Variants in SCMH1 observed in about 807,000 individuals in gnomAD.
The protein encoded by SCMH1 is polycomb protein SCMH1.
In SCMH1, 37 loss-of-function variants were observed where a neutral mutation model predicts 70.8. The ratio of observed to expected loss-of-function variants is 0.52; its 90% CI spans 0.40 to 0.69. SCMH1 has a LOEUF of 0.69. Among genes scored for constraint, SCMH1 ranks in the 30% least tolerant of loss-of-function variants. SCMH1 has a pLI of 0.00. For missense variants in SCMH1, 607 were observed against 827.3 expected (o/e 0.73, Z 3.27); for synonymous variants, 292 against 307.4 (o/e 0.95, Z 0.52).
intron 1 of SCMH1, among the ~76,000 whole-genome samples, chr1:41,194,436 C>A (rs11577984): frequency 0.078 from 11,884 of 152,236 alleles, 600 homozygotes; most frequent in South Asian, 0.12. Context: ...GAAATATGAA[C>A]TACTGTAGAT....
At chr1:41,143,084 T>C in exon 6 of SCMH1, 1 of 1,614,108 alleles carries the variant, frequency 6.2e-7, no homozygotes, top group Non-Finnish European at 8.5e-7. Context: ...CATACTGATC[T>C]TGAACTCGTT....
intron 4 of SCMH1, among the ~76,000 whole-genome samples, chr1:41,158,729 G>A (rs1273067358): frequency 6.6e-6 from 1 of 152,138 alleles, no homozygotes; most frequent in African/African-American, 2.4e-5. Flanking sequence ...GTAAAGAATG[G>A]GCAGGAGGGT....
chr1:41,228,999 C>T (rs1326332413), intron 1 of SCMH1, among the ~76,000 whole-genome samples: 3 of 152,022 alleles, frequency 2.0e-5, no homozygotes, highest in Non-Finnish European at 4.4e-5. Context: ...AGTTCGAAAC[C>T]AGCCTGACCA....
chr1:41,213,467 C>T (rs1388050893), intron 1 of SCMH1, among the ~76,000 whole-genome samples: 1 of 152,112 alleles, frequency 6.6e-6, no homozygotes, highest in African/African-American at 2.4e-5. Flanking sequence ...TCCTCTGTAG[C>T]AGGACATAAA....
chr1:41,210,168 T>C (rs1245138230), intron 1 of SCMH1, among the ~76,000 whole-genome samples: 1 of 152,180 alleles, frequency 6.6e-6, no homozygotes, highest in Non-Finnish European at 1.5e-5. Flanking sequence ...GAAGGACCTC[T>C]TCAAGGAGAA....
intron 7 of SCMH1, among the ~76,000 whole-genome samples, chr1:41,115,194 A>G (rs1670169615): frequency 6.6e-6 from 1 of 152,190 alleles, no homozygotes; most frequent in African/African-American, 2.4e-5. Flanking sequence ...TTCGATACTG[A>G]TTATTAGCTT....
At chr1:41,132,310 AT>A (rs1265375435) in intron 6 of SCMH1, among the ~76,000 whole-genome samples, 1 of 152,030 alleles carries the variant, frequency 6.6e-6, no homozygotes, top group African/African-American at 2.4e-5. Flanking sequence ...GATGATGAGC[AT>A]TTTTTCATGT....
chr1:41,032,066 T>C (rs1219942443), intron 13 of SCMH1, among the ~76,000 whole-genome samples: 2 of 152,182 alleles, frequency 1.3e-5, no homozygotes, highest in Non-Finnish European at 2.9e-5. Context: ...AAGATGGCTG[T>C]CTATGAACCA....
intron 6 of SCMH1, 24 bp from the exon 7 acceptor site, chr1:41,117,034 A>G: frequency 1.3e-6 from 2 of 1,585,752 alleles, no homozygotes; most frequent in Admixed American, 3.5e-5. Flanking sequence ...AATGGGCAAC[A>G]GATTAAAAGT....
At chr1:41,149,737 C>T (rs912151352) in intron 5 of SCMH1, among the ~76,000 whole-genome samples, 1 of 152,216 alleles carries the variant, frequency 6.6e-6, no homozygotes, top group Non-Finnish European at 1.5e-5. Flanking sequence ...ATATGAGCAA[C>T]ACCTTCCTGA....
intron 6 of SCMH1, among the ~76,000 whole-genome samples, chr1:41,136,839 A>G (rs1643427513): frequency 7.5e-6 from 1 of 132,982 alleles, no homozygotes; most frequent in Non-Finnish European, 1.5e-5. Flanking sequence ...GTGCAGTGGT[A>G]TGACCATAAC....
At chr1:41,152,694 A>G in intron 4 of SCMH1, 1 of 1,614,094 alleles carries the variant, frequency 6.2e-7, no homozygotes, top group South Asian at 1.1e-5. Flanking sequence ...TTTCCTCTGT[A>G]GTGGAGCAGC....
At chr1:41,208,238 G>T (rs1309290495) in intron 1 of SCMH1, among the ~76,000 whole-genome samples, 4 of 108,236 alleles carry the variant, frequency 3.7e-5, no homozygotes, top group Middle Eastern at 4.0e-3. Context: ...AGATCACATG[G>T]ACACAGGAAG....
chr1:41,185,275 G>C (rs1237814412), intron 2 of SCMH1, among the ~76,000 whole-genome samples: 1 of 152,164 alleles, frequency 6.6e-6, no homozygotes, highest in African/African-American at 2.4e-5. Context: ...AGAAGACAGA[G>C]AGTTACATAA....
intron 8 of SCMH1, among the ~76,000 whole-genome samples, chr1:41,094,184 T>C (rs1181492100): frequency 6.6e-6 from 1 of 152,234 alleles, no homozygotes; most frequent in East Asian, 1.9e-4. Context: ...TAATAAATTT[T>C]ACTGCTTCAT....
intron 10 of SCMH1, among the ~76,000 whole-genome samples, chr1:41,062,522 A>G (rs975226986): frequency 1.3e-5 from 2 of 151,864 alleles, no homozygotes; most frequent in Non-Finnish European, 2.9e-5. Context: ...TGGGCAGATC[A>G]TGAGGTCAGG....
chr1:41,210,086 C>A (rs1006027866), intron 1 of SCMH1, among the ~76,000 whole-genome samples: 19 of 152,268 alleles, frequency 1.2e-4, no homozygotes, highest in African/African-American at 4.6e-4. Context: ...AGACCCAAAT[C>A]ATGAGTGAAC....
rs572243320 is a variant in SCMH1 at position 41,211,639 on chromosome 1, C to A, written c.-117-25389G>T. Reference sequence around the variant, plus strand: ...CTCAGGGATCTAGAAGTAGAAATACCATTTGACCCAGCGATCCCATTACTG... The same window carrying A: ...CTCAGGGATCTAGAAGTAGAAATACAATTTGACCCAGCGATCCCATTACTG... On this transcript the variant is annotated intron_variant, in intron 1 of 14. Transcript: ENST00000337495. 3.9e-4 allele frequency among the ~76,000 whole-genome samples: 59 copies of A among 152,242 alleles called. No homozygotes were observed. In the South Asian group the frequency reaches 4.4e-3, roughly 11 times the overall value.
chr1:41,038,429 A>T (rs774375478), intron 12 of SCMH1, among the ~76,000 whole-genome samples: 1 of 152,158 alleles, frequency 6.6e-6, no homozygotes. Flanking sequence ...CTGGAGCATA[A>T]CACTGTCCTT....
Sources: allele counts gnomAD v4.1 joint callset (sites outside exome capture counted in the v4.1 genomes callset), GRCh38; gene constraint gnomAD v4.1.1; transcripts MANE v1.5; gene names NCBI Gene and HGNC (gene_info 2026-07-23, HGNC 2026-07-21).